Variants in PATJ observed in about 807,000 individuals in gnomAD.
PATJ encodes inaD-like protein.
A neutral mutation model predicts 224.9 loss-of-function variants in PATJ; 190 were observed. The observed-to-expected ratio is 0.84, with a 90% confidence interval of 0.75 to 0.95. The LOEUF (loss-of-function observed/expected upper bound fraction) is 0.95. Among genes scored for constraint, PATJ ranks in the 40% least tolerant of loss-of-function variants. The pLI, the probability that PATJ is intolerant of heterozygous loss-of-function variation, is 0.00. For missense variants in PATJ, 2,121 were observed against 2,270.3 expected (o/e 0.93, Z 1.34); for synonymous variants, 769 against 820.3 (o/e 0.94, Z 1.07).
intron 21 of PATJ, among the ~76,000 whole-genome samples, chr1:61,881,814 G>A (rs532037262): frequency 1.3e-5 from 2 of 152,218 alleles, no homozygotes; most frequent in South Asian, 2.1e-4. Flanking sequence ...CACTGAAGAT[G>A]TTTAATCAGA....
At position 61,914,559 on chromosome 1, in the gene PATJ, C is replaced by T. The variant is rs766951841; in HGVS notation, c.3493-28C>T. ...GATTATGTCGTTTAAACGTTTTCTT[C>T]CCCCCACCCCTTTTTTTGTCACCAT... On this transcript the variant is annotated intron_variant, in intron 25 of 43. Transcript: ENST00000642238. The T allele has an allele frequency of 2.7e-6, 3 of 1,094,774 alleles. No homozygotes were observed. The Admixed American group carries it at 6.7e-5, about 24-fold the overall frequency. 67.8% of individuals were successfully genotyped at this position (1,094,774 alleles called of 1,614,324 possible).
chr1:61,916,048 T>A (rs1235276253), intron 26 of PATJ, among the ~76,000 whole-genome samples: 1 of 152,172 alleles, frequency 6.6e-6, no homozygotes, highest in African/African-American at 2.4e-5. Flanking sequence ...AGGTATTTTA[T>A]TTTGCTATTT....
intron 26 of PATJ, among the ~76,000 whole-genome samples, chr1:61,917,572 A>ATTTGT (rs1485418442): frequency 6.6e-6 from 1 of 152,024 alleles, no homozygotes; most frequent in Non-Finnish European, 1.5e-5. Flanking sequence ...AATGCAATTT[A>ATTTGT]TTTGTTTTGT....
chr1:61,863,364 C>A (rs554321103), intron 19 of PATJ, among the ~76,000 whole-genome samples: 29 of 152,160 alleles, frequency 1.9e-4, no homozygotes, highest in African/African-American at 6.7e-4. Context: ...AGCTTCACTA[C>A]AATGATGTTT....
chr1:61,990,369 G>T lies in PATJ; in HGVS notation c.3867+5G>T. 1 of 1,604,802 alleles carries T rather than the reference G, an allele frequency of 6.2e-7. No individual in the cohort carries two copies. The highest frequency in any genetic ancestry group is 1.3e-5 in the African/African-American group (1 of 74,764). On this transcript the variant is annotated splice_donor_5th_base_variant and intron_variant, in intron 28 of 43. Transcript: ENST00000642238. ...ATTGGAGATGAACTCTTAGAGGTGA[G>T]AAGCATGTGTTTTTAACTTATCTTT... is the stretch of plus-strand genomic sequence containing the variant.
chr1:62,084,222 C>A (rs891921674), intron 32 of PATJ, among the ~76,000 whole-genome samples: 4 of 152,078 alleles, frequency 2.6e-5, no homozygotes, highest in Non-Finnish European at 4.4e-5. Flanking sequence ...CCATTGCATT[C>A]CAGCCTGGGC....
chr1:61,908,316 C>A, intron 24 of PATJ, 56 bp from the exon 25 acceptor site: 1 of 1,151,172 alleles, frequency 8.7e-7, no homozygotes, highest in Non-Finnish European at 1.3e-6. Flanking sequence ...TTTGAATTAA[C>A]CTGTCCACAA....
intron 22 of PATJ, among the ~76,000 whole-genome samples, chr1:61,896,295 CAA>C (rs386367129): frequency 6.9e-6 from 1 of 144,030 alleles, no homozygotes; most frequent in Admixed American, 6.9e-5. Flanking sequence ...GACTCCATCT[CAA>C]AAAAAAAAAA....
chr1:62,020,709 T>C (rs6697273), intron 29 of PATJ, among the ~76,000 whole-genome samples: 1 of 152,262 alleles, frequency 6.6e-6, no homozygotes, highest in South Asian at 2.1e-4. Context: ...TGGAAGTGAT[T>C]TTAAGCAATT....
rs1664545271 is a variant in PATJ, at chr1:62,117,285, A to G, written c.4890+67A>G. ...CCCACTGGGAGAAAGTTCCCCATTT[A>G]ATAAATGGTTGTTTGGAAATAATAT... On this transcript the variant is annotated intron_variant, in intron 37 of 43. Coordinates refer to ENST00000642238, the MANE Select transcript of PATJ (RefSeq NM_001350145.3). 3 of 1,605,194 alleles carry G rather than the reference A, an allele frequency of 1.9e-6. No homozygotes were observed. The East Asian group carries it at 6.7e-5, about 36-fold the overall frequency.
chr1:62,093,478 G>T (rs1661028078), intron 33 of PATJ, among the ~76,000 whole-genome samples: 1 of 152,216 alleles, frequency 6.6e-6, no homozygotes, highest in South Asian at 2.1e-4. Flanking sequence ...GAGGAGTGTG[G>T]TTTGCTTTGG....
intron 27 of PATJ, among the ~76,000 whole-genome samples, chr1:61,948,192 C>T (rs184011254): frequency 0.016 from 2,385 of 152,274 alleles, 35 homozygotes; most frequent in Non-Finnish European, 0.025. Context: ...GCAATAGCAA[C>T]AAAAGCCAAA....
chr1:61,791,250 G>C (rs1649797075), intron 8 of PATJ, 98 bp from the exon 9 acceptor site: 1 of 643,838 alleles, frequency 1.6e-6, no homozygotes, highest in East Asian at 2.8e-5. Flanking sequence ...GCCTGCCATA[G>C]ATGCTAAGAA....
chr1:61,984,752 ATTAG>A (rs1273458355), intron 27 of PATJ, among the ~76,000 whole-genome samples: 1 of 152,024 alleles, frequency 6.6e-6, no homozygotes, highest in Non-Finnish European at 1.5e-5. Flanking sequence ...ATTTGCAGAT[ATTAG>A]TTGTTTTTCC....
intron 32 of PATJ, among the ~76,000 whole-genome samples, chr1:62,081,308 G>A (rs1196853104): frequency 6.6e-6 from 1 of 152,098 alleles, no homozygotes; most frequent in African/African-American, 2.4e-5. Context: ...TCATCCTACA[G>A]TTGAATCTAT....
intron 27 of PATJ, among the ~76,000 whole-genome samples, chr1:61,954,752 A>ATTT (rs373997284): frequency 1.8e-5 from 2 of 112,352 alleles, no homozygotes; most frequent in Non-Finnish European, 1.8e-5. Flanking sequence ...GCCAAACTCT[A>ATTT]TTGTTTTTTT....
intron 15 of PATJ, among the ~76,000 whole-genome samples, chr1:61,823,809 T>C (rs1657726782): frequency 6.6e-6 from 1 of 152,300 alleles, no homozygotes; most frequent in East Asian, 1.9e-4. Flanking sequence ...TCATGTTGTG[T>C]GTAATTGTAA....
chr1:61,888,283 CTTTTTA>C (rs1304492080), intron 22 of PATJ, among the ~76,000 whole-genome samples: 1 of 151,816 alleles, frequency 6.6e-6, no homozygotes, highest in Non-Finnish European at 1.5e-5. Context: ...TTTTTTTCTT[CTTTTTA>C]TTTTTGAGAC....
chr1:61,984,901 A>G (rs1644661281), intron 27 of PATJ, among the ~76,000 whole-genome samples: 1 of 152,052 alleles, frequency 6.6e-6, no homozygotes, highest in African/African-American at 2.4e-5. Flanking sequence ...AAACAAATTC[A>G]GTATTATATT....
Sources: gnomAD v4.1 joint callset for allele counts (sites outside exome capture counted in the v4.1 genomes callset) on GRCh38, gnomAD v4.1.1 for gene constraint, MANE v1.5 for transcripts, NCBI Gene and HGNC (gene_info 2026-07-23, HGNC 2026-07-21) for gene names.